The following CSMD1 variants were observed in gnomAD, a reference collection of about 807,000 sequenced individuals.
The protein encoded by CSMD1 is CUB and sushi domain-containing protein 1.
A neutral mutation model predicts 417.5 loss-of-function variants in CSMD1; 213 were observed. The ratio of observed to expected loss-of-function variants is 0.51; its 90% CI spans 0.46 to 0.57. The LOEUF (loss-of-function observed/expected upper bound fraction) is 0.57, where lower values mean the gene tolerates loss of function less well. CSMD1 is among the 20% of genes least tolerant of loss of function. CSMD1 has a pLI of 0.00. For missense variants in CSMD1, 6,923 were observed against 4,529.7 expected (o/e 1.53, Z -15.17); for synonymous variants, 2,862 against 1,736.8 (o/e 1.65, Z -16.11).
intron 22 of CSMD1, among the ~76,000 whole-genome samples, chr8:3,344,682 G>T (rs1250891804): frequency 6.6e-6 from 1 of 152,114 alleles, no homozygotes; most frequent in Non-Finnish European, 1.5e-5. Context: ...CTTCCAATGT[G>T]TTTGTCTATT....
At chr8:4,465,034 A>C (rs191945924) in intron 2 of CSMD1, among the ~76,000 whole-genome samples, 1 of 152,146 alleles carries the variant, frequency 6.6e-6, no homozygotes, top group African/African-American at 2.4e-5. Context: ...AATAGGAAAA[A>C]AGGGAAACAC....
At chr8:4,797,488 G>T (rs777369584) in intron 1 of CSMD1, among the ~76,000 whole-genome samples, 1 of 152,158 alleles carries the variant, frequency 6.6e-6, no homozygotes, top group African/African-American at 2.4e-5. Flanking sequence ...AAAAGTCATT[G>T]TGGTCTTTGC....
rs1168547878 is a variant in CSMD1 at position 3,018,669 on chromosome 8, A to C, written c.7856-19T>G. ...GAGATAACTAGAAGGAAAAACAATA[A>C]AATGAACATCAATTCAGTTATGCAG... On this transcript the variant is annotated intron_variant, in intron 51 of 69. Coordinates refer to ENST00000635120, the MANE Select transcript of CSMD1 (RefSeq NM_033225.6). The C allele has an allele frequency of 1.9e-6, 3 of 1,604,206 alleles. No homozygotes were observed. Among genetic ancestry groups the C allele is most frequent in the Admixed American group, 1.7e-5 (1 of 59,688 alleles).
chr8:4,457,382 G>T (rs1799553196), intron 2 of CSMD1, among the ~76,000 whole-genome samples: 1 of 152,094 alleles, frequency 6.6e-6, no homozygotes, highest in Non-Finnish European at 1.5e-5. Flanking sequence ...GCTTCCCGAG[G>T]TCTGGAACAG....
At chr8:3,524,014 C>T (rs1797638527) in intron 10 of CSMD1, among the ~76,000 whole-genome samples, 1 of 140,032 alleles carries the variant, frequency 7.1e-6, no homozygotes, top group Non-Finnish European at 1.5e-5. Flanking sequence ...CACACATGTG[C>T]ACGTGCACAC....
chr8:3,757,865 A>AAACAAACAAAAAAAACCAAC (rs1454556785), intron 5 of CSMD1, among the ~76,000 whole-genome samples: 4 of 147,044 alleles, frequency 2.7e-5, no homozygotes, highest in Non-Finnish European at 6.0e-5. Flanking sequence ...ACAAACAAAC[A>AAACAAACAAAAAAAACCAAC]AACAAAAAAA....
chr8:4,901,370 G>A (rs138189068), intron 1 of CSMD1, among the ~76,000 whole-genome samples: 3 of 152,270 alleles, frequency 2.0e-5, no homozygotes, highest in Admixed American at 6.5e-5. Context: ...ATCTATAGAA[G>A]ACTATTGCAG....
chr8:3,971,965 T>G (rs148345919), intron 5 of CSMD1, among the ~76,000 whole-genome samples: 166 of 152,240 alleles, frequency 1.1e-3, no homozygotes, highest in African/African-American at 3.6e-3. Flanking sequence ...TGGAGTGCAG[T>G]GGGTGATCCT....
chr8:4,481,038 C>A (rs1377331142), intron 2 of CSMD1, among the ~76,000 whole-genome samples: 1 of 152,200 alleles, frequency 6.6e-6, no homozygotes, highest in East Asian at 1.9e-4. Flanking sequence ...TCTCTCCCAA[C>A]CCAAGTAGTG....
intron 10 of CSMD1, among the ~76,000 whole-genome samples, chr8:3,524,222 CACACACAT>C (rs1405511188): frequency 2.8e-4 from 42 of 151,520 alleles, no homozygotes; most frequent in East Asian, 1.9e-3. Context: ...AGACAATATG[CACACACAT>C]ACACACATAC....
At chr8:4,111,736 A>G (rs1293087088) in intron 3 of CSMD1, among the ~76,000 whole-genome samples, 1 of 152,144 alleles carries the variant, frequency 6.6e-6, no homozygotes, top group Non-Finnish European at 1.5e-5. Context: ...ACATGGAAAC[A>G]GAGAGGGCAA....
chr8:3,904,387 C>G lies in CSMD1; in HGVS notation c.818+93516G>C, dbSNP rs181620378. 1.1e-4 allele frequency among the ~76,000 whole-genome samples: 16 copies of G among 152,190 alleles called. No individual in the cohort carries two copies. In the East Asian group the frequency reaches 2.9e-3, roughly 28 times the overall value. Reference sequence around the variant, plus strand: ...ACTAACTCTTTATTGCAATGGAAACCTCTTTATTGCAATGGACCTATGTTA... The same window carrying G: ...ACTAACTCTTTATTGCAATGGAAACGTCTTTATTGCAATGGACCTATGTTA... On this transcript the variant is annotated intron_variant, in intron 5 of 69. Coordinates refer to ENST00000635120, the MANE Select transcript of CSMD1 (RefSeq NM_033225.6).
At chr8:3,812,575 G>A (rs1382781297) in intron 5 of CSMD1, among the ~76,000 whole-genome samples, 1 of 152,160 alleles carries the variant, frequency 6.6e-6, no homozygotes, top group Non-Finnish European at 1.5e-5. Context: ...CCTTGCTTAT[G>A]AGGAAATAAA....
At chr8:4,795,211 G>T (rs1325905607) in intron 1 of CSMD1, among the ~76,000 whole-genome samples, 1 of 144,646 alleles carries the variant, frequency 6.9e-6, no homozygotes, top group Non-Finnish European at 1.5e-5. Flanking sequence ...CACATATTGA[G>T]GTGCAATCAG....
At chr8:3,368,104 T>A (rs1012710912) in intron 19 of CSMD1, among the ~76,000 whole-genome samples, 1 of 152,082 alleles carries the variant, frequency 6.6e-6, no homozygotes, top group African/African-American at 2.4e-5. Flanking sequence ...ACAGATAACT[T>A]CTAATAAAAA....
At chr8:4,813,885 T>A (rs985515995) in intron 1 of CSMD1, among the ~76,000 whole-genome samples, 2 of 152,242 alleles carry the variant, frequency 1.3e-5, no homozygotes, top group African/African-American at 4.8e-5. Flanking sequence ...CATTAGAGAA[T>A]ATTTACAAGT....
intron 4 of CSMD1, among the ~76,000 whole-genome samples, chr8:4,021,536 G>C (rs1412192758): frequency 6.6e-6 from 1 of 152,130 alleles, no homozygotes; most frequent in Admixed American, 6.5e-5. Flanking sequence ...GCTCCAGCAA[G>C]GATCAGCTCC....
intron 3 of CSMD1, among the ~76,000 whole-genome samples, chr8:4,049,747 G>A (rs1441695677): frequency 2.1e-4 from 32 of 152,122 alleles, no homozygotes; most frequent in Admixed American, 2.1e-3. Flanking sequence ...TTTAAAAATA[G>A]TAGAGAATCT....
At chr8:4,269,233 A>G (rs1585129681) in intron 3 of CSMD1, among the ~76,000 whole-genome samples, 1 of 151,796 alleles carries the variant, frequency 6.6e-6, no homozygotes, top group Non-Finnish European at 1.5e-5. Flanking sequence ...ATTTTTGTAT[A>G]TTTAGCAGAG....
Sources: allele counts gnomAD v4.1 joint callset (sites outside exome capture counted in the v4.1 genomes callset), GRCh38; gene constraint gnomAD v4.1.1; transcripts MANE v1.5; gene names NCBI Gene and HGNC (gene_info 2026-07-23, HGNC 2026-07-21).